The following ZNF488 variants were observed in gnomAD, a reference collection of about 807,000 sequenced individuals.
The protein encoded by ZNF488 is zinc finger protein 488.
ZNF488 carries 1 observed loss-of-function variant against 1.2 expected under a neutral mutation model. That is an observed-to-expected ratio of 0.86 (90% CI 0.30 to 4.07). The LOEUF is 4.07. ZNF488 is among the 30% of genes most tolerant of loss of function. The probability of loss-of-function intolerance (pLI) is 0.18; values close to 1 mark genes in which losing one functional copy is unlikely to be tolerated. For synonymous variants in ZNF488, 185 were observed against 190.1 expected (o/e 0.97, Z 0.22); for missense variants, 450 against 437.9 (o/e 1.03, Z -0.25).
intron 1 of ZNF488, among the ~76,000 whole-genome samples, chr10:47,377,614 A>T (rs1837726956): frequency 3.4e-5 from 5 of 149,194 alleles, no homozygotes; most frequent in African/African-American, 1.2e-4. Context: ...ACACACACAC[A>T]CACACACACA....
intron 1 of ZNF488, among the ~76,000 whole-genome samples, chr10:47,370,092 C>T (rs1399026797): frequency 6.6e-6 from 1 of 152,110 alleles, no homozygotes; most frequent in East Asian, 1.9e-4. Flanking sequence ...GAATGTGAGC[C>T]CTCCATATTC....
At chr10:47,371,191 C>T (rs569773436) in intron 1 of ZNF488, among the ~76,000 whole-genome samples, 1 of 152,100 alleles carries the variant, frequency 6.6e-6, no homozygotes, top group Non-Finnish European at 1.5e-5. Context: ...TGGGAGAGTG[C>T]CCGGGGAGGG....
chr10:47,368,605 T>C lies in ZNF488; in HGVS notation c.225A>G (p.Ala75=). The change falls in exon 2 of 2, where the codon GCA becomes GCG. Residue 75 remains alanine (A), a synonymous_variant. Transcript: ENST00000585316. ...GGGGCTTGCCTGGGGCTACCAACAGTGCCAGCTCCGCACTGCCCACATCCC... is the reference window on the plus strand; with the variant it reads ...GGGGCTTGCCTGGGGCTACCAACAGCGCCAGCTCCGCACTGCCCACATCCC... ...AGRDVGSAEL[A]LLVAPGKPRP... is the part of the protein sequence containing the mutation. 2 of 1,610,680 alleles carry C rather than the reference T, an allele frequency of 1.2e-6. No homozygotes were observed. Among genetic ancestry groups the C allele is most frequent in the Non-Finnish European group, 1.7e-6 (2 of 1,179,856 alleles).
Position 47,368,954 on chromosome 10 carries a change from C to A in ZNF488, c.-108-17G>T, listed in dbSNP as rs376593093. ...CACAGGGCCCTGCAGAGAGAGGAAG[C>A]GACAGGCAGTGAGATGGGCATTCAT... On this transcript the variant is annotated splice_polypyrimidine_tract_variant and intron_variant, in intron 1 of 1. Coordinates refer to ENST00000585316, the MANE Select transcript of ZNF488 (RefSeq NM_153034.4). 8.5e-7 allele frequency: 1 copy of A among 1,182,492 alleles called. No individual in the cohort carries two copies. Among genetic ancestry groups the A allele is most frequent in the East Asian group, 2.4e-5 (1 of 41,352 alleles). The allele number at this position is 1,182,492 out of a possible 1,614,324, so 73.2% of individuals were successfully genotyped here.
Position 47,368,536 on chromosome 10 carries a change from C to A in ZNF488, c.294G>T (p.Arg98Ser). The change falls in exon 2 of 2, where the codon AGG becomes AGT. Residue 98 changes from arginine to serine, a missense_variant. Physicochemically the swap from Arg to Ser is moderately radical, Grantham distance 110. Coordinates refer to ENST00000585316, the MANE Select transcript of ZNF488 (RefSeq NM_153034.4). ...PLPPKTRGEQ[R>S]QSAFTELPRM... Reference sequence around the variant, plus strand: ...TCGGCAGCTCCGTGAAGGCGCTCTGCCTCTGCTCTCCACGTGTCTTCGGGG... The same window carrying A: ...TCGGCAGCTCCGTGAAGGCGCTCTGACTCTGCTCTCCACGTGTCTTCGGGG... 1 of 1,613,540 alleles carries A rather than the reference C, an allele frequency of 6.2e-7. No individual in the cohort carries two copies.
intron 1 of ZNF488, among the ~76,000 whole-genome samples, chr10:47,375,448 A>G (rs1432885317): frequency 2.0e-5 from 3 of 152,242 alleles, no homozygotes; most frequent in African/African-American, 7.2e-5. Context: ...ATTTATGGAA[A>G]TGCTATAAAT....
intron 1 of ZNF488, among the ~76,000 whole-genome samples, chr10:47,382,046 T>C (rs146359922): frequency 2.0e-4 from 30 of 152,204 alleles, no homozygotes; most frequent in African/African-American, 7.2e-4. Flanking sequence ...ACTACTTGTG[T>C]TCCAAATCAA....
chr10:47,367,946 C>T lies in ZNF488; in HGVS notation c.884G>A (p.Arg295Gln), dbSNP rs77048726. The T allele has an allele frequency of 3.8e-5, 61 of 1,613,890 alleles. No homozygotes were observed. Among genetic ancestry groups the T allele is most frequent in the Non-Finnish European group, 4.7e-5 (56 of 1,180,030 alleles). The change falls in exon 2 of 2, where the codon CGA (arginine) becomes CAA (glutamine). Residue 295 changes from arginine to glutamine, a missense_variant. Transcript: ENST00000585316. ...CGCATGCTCCTTTTTGTGGTGGGAT[C>T]GCATGTGAAAGACCAGGTCGGACGT... is the stretch of plus-strand genomic sequence containing the variant. ...RLTSDLVFHM[R>Q]SHHKKEHAGP... is the part of the protein sequence containing the mutation.
At position 47,368,152 on chromosome 10, in the gene ZNF488, A is replaced by C. The variant is rs782520136; in HGVS notation, c.678T>G (p.Asn226Lys). ...DLWNLQALPQ[N>K]APLCSTFLGA... ...CCAGAAAAGTGCTACAGAGTGGAGC[A>C]TTCTGTGGCAATGCTTGCAAGTTCC... The change falls in exon 2 of 2, where the codon AAT becomes AAG. Residue 226 changes from asparagine to lysine, a missense_variant. Coordinates refer to ENST00000585316, the MANE Select transcript of ZNF488 (RefSeq NM_153034.4). 1 of 1,614,162 alleles carries C rather than the reference A, an allele frequency of 6.2e-7. No homozygotes were observed. Among genetic ancestry groups the C allele is most frequent in the Admixed American group, 1.7e-5 (1 of 60,028 alleles).
Position 47,367,823 on chromosome 10 carries a change from A to T in ZNF488, c.1007T>A (p.Met336Lys). ...GGTCACCTGCTAGCTGTGAGAAGTC[A>T]TGTGCCGGGAGAGGTGGTGGCGCTC... ...FRERHHLSRH[M>K]TSHS is the part of the protein sequence containing the mutation. The change falls in exon 2 of 2, where the codon ATG becomes AAG. Residue 336 changes from methionine to lysine, a missense_variant. Physicochemically the swap from Met to Lys is moderately conservative, Grantham distance 95. Transcript: ENST00000585316. 2 of 1,611,462 alleles carry T rather than the reference A, an allele frequency of 1.2e-6. No individual in the cohort carries two copies. The highest frequency in any genetic ancestry group is 1.7e-5 in the Admixed American group (1 of 59,824).
At position 47,368,124 on chromosome 10, in the gene ZNF488, C is replaced by A; in HGVS notation, c.706G>T (p.Ala236Ser). 1 of 1,614,172 alleles carries A rather than the reference C, an allele frequency of 6.2e-7. No individual in the cohort carries two copies. Among genetic ancestry groups the A allele is most frequent in the Non-Finnish European group, 8.5e-7 (1 of 1,180,038 alleles). ...NAPLCSTFLG[A>S]PTLWLEHTQA... ...GTATGCTCCAGCCACAGTGTAGGGG[C>A]ACCCAGAAAAGTGCTACAGAGTGGA... Residue 236 changes from alanine to serine, a missense_variant, in exon 2 of 2, where the codon GCC (alanine) becomes TCC (serine). Coordinates refer to ENST00000585316, the MANE Select transcript of ZNF488 (RefSeq NM_153034.4).
At chr10:47,380,716 CTTCCATCCAAAT>C (rs1837909639) in intron 1 of ZNF488, among the ~76,000 whole-genome samples, 10 of 151,038 alleles carry the variant, frequency 6.6e-5, no homozygotes, top group South Asian at 4.2e-4. Flanking sequence ...ACCTTCGAGC[CTTCCATCCAAAT>C]AGATGTTAAG....
At position 47,367,977 on chromosome 10, in the gene ZNF488, G is replaced by A. The variant is rs782757012; in HGVS notation, c.853C>T (p.Arg285Cys). Residue 285 changes from arginine (R) to cysteine (C), a missense_variant, in exon 2 of 2, where the codon CGC becomes TGC. By Grantham distance (180) the Arg-to-Cys change is radical (BLOSUM62 -3). Transcript: ENST00000585316. ...NWCAKCNLSF[R>C]LTSDLVFHMR... is the part of the protein sequence containing the mutation. ...TGAAAGACCAGGTCGGACGTTAGGC[G>A]AAAGGACAGGTTGCACTTTGCACAC... is the stretch of plus-strand genomic sequence containing the variant. 1.3e-5 allele frequency: 21 copies of A among 1,614,032 alleles called. No homozygotes were observed. Among genetic ancestry groups the A allele is most frequent in the Admixed American group, 6.7e-5 (4 of 60,002 alleles).
intron 1 of ZNF488, among the ~76,000 whole-genome samples, chr10:47,381,355 TC>T (rs1166457621): frequency 2.0e-5 from 3 of 152,286 alleles, no homozygotes; most frequent in Non-Finnish European, 4.4e-5. Context: ...TGCAGAAGCT[TC>T]CCAGACCCTT....
chr10:47,372,467 C>T (rs1027469332), intron 1 of ZNF488, among the ~76,000 whole-genome samples: 11 of 135,038 alleles, frequency 8.1e-5, no homozygotes, highest in Non-Finnish European at 1.4e-4. Flanking sequence ...AGTAACATGT[C>T]GCAAGGTCTT....
rs1837184752 is a variant in ZNF488 at position 47,365,528 on chromosome 10, T to TA, written c.*2278dup. 1 of 167,116 alleles carries TA rather than the reference T, an allele frequency of 6.0e-6. No homozygotes were observed. The highest frequency in any genetic ancestry group is 2.4e-5 in the African/African-American group (1 of 41,448). The allele number at this position is 167,116 out of a possible 1,614,324, so 10.4% of individuals were successfully genotyped here. A position where few individuals can be genotyped will look rare whatever the true frequency, so the allele number is the denominator to read the frequency against. On this transcript the variant is annotated 3_prime_UTR_variant, in exon 2 of 2. Coordinates refer to ENST00000585316, the MANE Select transcript of ZNF488 (RefSeq NM_153034.4). ...CACAATATTTATTATGCACCAACAA[T>TA]ATGCCATGCCCTGTTCTGGGCACCA... is the stretch of plus-strand genomic sequence containing the variant.
chr10:47,367,862 T>C lies in ZNF488; in HGVS notation c.968A>G (p.Gln323Arg). ...GTGGTGGCGCTCCCGGAAGTGCTCC[T>C]GGCACACAGGGCAGGCAAGGGCCTC... The part of the protein sequence containing the change: ...REEALACPVC[Q>R]EHFRERHHLS... The change falls in exon 2 of 2, where the codon CAG becomes CGG. Residue 323 changes from glutamine to arginine, a missense_variant. By Grantham distance (43) the Gln-to-Arg change is conservative. Coordinates refer to ENST00000585316, the MANE Select transcript of ZNF488 (RefSeq NM_153034.4). 1 of 1,613,866 alleles carries C rather than the reference T, an allele frequency of 6.2e-7. No homozygotes were observed. Among genetic ancestry groups the C allele is most frequent in the Non-Finnish European group, 8.5e-7 (1 of 1,180,016 alleles).
chr10:47,368,503 C>T lies in ZNF488; in HGVS notation c.327G>A (p.Lys109=), dbSNP rs782431850. 1.9e-6 allele frequency: 3 copies of T among 1,613,764 alleles called. No homozygotes were observed. In the African/African-American group the frequency reaches 4.0e-5, roughly 22 times the overall value. ...QSAFTELPRM[K]DRQVDAQAQE... ...GGGCCTGAGCATCCACCTGCCGGTCCTTCATCCTCGGCAGCTCCGTGAAGG... is the reference window on the plus strand; with the variant it reads ...GGGCCTGAGCATCCACCTGCCGGTCTTTCATCCTCGGCAGCTCCGTGAAGG... The change falls in exon 2 of 2, where the codon AAG becomes AAA. Residue 109 remains lysine, a synonymous_variant. Coordinates refer to ENST00000585316, the MANE Select transcript of ZNF488 (RefSeq NM_153034.4).
chr10:47,370,737 C>T (rs1555213763), intron 1 of ZNF488, among the ~76,000 whole-genome samples: 2 of 152,148 alleles, frequency 1.3e-5, no homozygotes, highest in African/African-American at 2.4e-5. Context: ...CAGTGATGCT[C>T]GCTATGCTTA....
Sources: allele counts gnomAD v4.1 joint callset (sites outside exome capture counted in the v4.1 genomes callset), GRCh38; gene constraint gnomAD v4.1.1; transcripts MANE v1.5; gene names NCBI Gene and HGNC (gene_info 2026-07-23, HGNC 2026-07-21).